CRYAB: variants seen among roughly 807,000 people sequenced by gnomAD.
The protein encoded by CRYAB is crystallin alpha B.
A neutral mutation model predicts 12.7 loss-of-function variants in CRYAB; 9 were observed. That is an observed-to-expected ratio of 0.71 (90% confidence interval 0.43 to 1.24). CRYAB has a LOEUF of 1.24. CRYAB is among the 50% of genes most tolerant of loss of function. The pLI is 0.00. For missense variants in CRYAB, 183 were observed against 226.6 expected (o/e 0.81, Z 1.24); for synonymous variants, 93 against 86.8 (o/e 1.07, Z -0.40).
chr11:111,913,501 G>A (rs1465051226), upstream of CRYAB: 3 of 1,613,590 alleles, frequency 1.9e-6, no homozygotes, highest in East Asian at 2.2e-5. Flanking sequence ...GTCCGGCCTC[G>A]GGCCGCCCCA....
At chr11:111,912,734 C>T (rs540781081), upstream of CRYAB, 390 of 932,064 alleles carry the variant, frequency 4.2e-4, 1 homozygote, top group Non-Finnish European at 6.0e-4. Flanking sequence ...CCGCCCCCAC[C>T]TCCTATCGAG....
At chr11:111,911,479 A>G in intron 1 of CRYAB, 45 bp downstream of exon 1, 1 of 1,563,292 alleles carries the variant, frequency 6.4e-7, no homozygotes, top group East Asian at 2.3e-5. Context: ...AGTTTCCAGG[A>G]GGTTCCAGTA....
upstream of CRYAB, among the ~76,000 whole-genome samples, chr11:111,915,731 A>G (rs1965587948): frequency 6.6e-6 from 1 of 152,090 alleles, no homozygotes; most frequent in Non-Finnish European, 1.5e-5. Context: ...TTCTCACGGT[A>G]GTCGTTTCCA....
chr11:111,913,030 C>A, upstream of CRYAB: 1 of 804,432 alleles, frequency 1.2e-6, no homozygotes, highest in Non-Finnish European at 2.0e-6. Context: ...TAACTGATCT[C>A]CTGGGACCAG....
intron 1 of CRYAB, among the ~76,000 whole-genome samples, chr11:111,920,769 T>A (rs1555166488): frequency 6.6e-6 from 1 of 151,516 alleles, no homozygotes; most frequent in Non-Finnish European, 1.5e-5. Context: ...GTCTCAAAAA[T>A]GAAAATAAAA....
At chr11:111,913,989 G>A (rs1965556058), upstream of CRYAB, 2 of 1,075,940 alleles carry the variant, frequency 1.9e-6, no homozygotes, top group South Asian at 1.6e-5. Flanking sequence ...CATCCTTGGG[G>A]GAAGGGAAAG....
Position 111,910,191 on chromosome 11 carries a change from T to C in CRYAB, c.324+136A>G, listed in dbSNP as rs781941706. The C allele has an allele frequency of 3.8e-5, 40 of 1,065,368 alleles. No homozygotes were observed. The African/African-American group carries it at 5.9e-4, about 16-fold the overall frequency. 66.0% of individuals were successfully genotyped at this position (1,065,368 alleles called of 1,614,324 possible). On this transcript the variant is annotated intron_variant, in intron 2 of 2. Transcript: ENST00000650687. Reference sequence around the variant, plus strand: ...TATCCTAACTTAGTCTTCTAGACATTGATTTGTAACCCCTGATCCCGACTG... The same window carrying C: ...TATCCTAACTTAGTCTTCTAGACATCGATTTGTAACCCCTGATCCCGACTG...
intron 1 of CRYAB, chr11:111,918,994 G>T: frequency 5.0e-6 from 8 of 1,614,214 alleles, no homozygotes; most frequent in Non-Finnish European, 6.8e-6. Context: ...GGTCTGCTGC[G>T]GAGGAAGCTG....
upstream of CRYAB, chr11:111,913,951 C>A: frequency 1.4e-6 from 2 of 1,437,950 alleles, no homozygotes; most frequent in Non-Finnish European, 1.9e-6. Flanking sequence ...GTGATATGGG[C>A]AGCTGCCCAC....
chr11:111,914,218 C>T (rs782080195), upstream of CRYAB: 3 of 262,614 alleles, frequency 1.1e-5, no homozygotes, highest in Admixed American at 4.8e-5. Context: ...ACCCTGAGCT[C>T]GCACTTGGAT....
upstream of CRYAB, chr11:111,912,251 A>G (rs1273490535): frequency 5.4e-6 from 1 of 186,484 alleles, no homozygotes; most frequent in Non-Finnish European, 1.1e-5. Flanking sequence ...GTGATGGTCA[A>G]CATGTCAGCA....
At chr11:111,912,360 T>G, upstream of CRYAB, 1 of 172,202 alleles carries the variant, frequency 5.8e-6, no homozygotes, top group East Asian at 1.6e-4. Context: ...GCAAACAGAT[T>G]TCTTGCATCT....
upstream of CRYAB, chr11:111,913,205 CCTCCTCCTCCCCCTCCTCCTCCTT>C (rs1965526959): frequency 8.3e-6 from 5 of 599,134 alleles, no homozygotes; most frequent in South Asian, 1.0e-4. Flanking sequence ...TTTGGTGCCT[CCTCCTCCTCCCCCTCCTCCTCCTT>C]CTCCTCCTCC....
upstream of CRYAB, among the ~76,000 whole-genome samples, chr11:111,915,584 A>T (rs1302561208): frequency 2.6e-5 from 4 of 152,228 alleles, no homozygotes; most frequent in Admixed American, 2.6e-4. Context: ...ACTGAGCTTT[A>T]TTTAAAGGAA....
chr11:111,910,557 CCTT>C (rs1965421341), intron 1 of CRYAB, 108 bp from the exon 2 acceptor site: 2 of 1,369,460 alleles, frequency 1.5e-6, no homozygotes, highest in South Asian at 2.3e-5. Context: ...GGTAATTCAT[CCTT>C]CTCTTCTCTG....
Position 111,908,785 on chromosome 11 carries a change from G to A in CRYAB, c.507C>T (p.Val169=), listed in dbSNP as rs1555165219. 1 of 1,612,848 alleles carries A rather than the reference G, an allele frequency of 6.2e-7. No individual in the cohort carries two copies. The highest frequency in any genetic ancestry group is 1.3e-5 in the African/African-American group (1 of 74,888). ...IPITREEKPA[V]TAAPKK ...GCATCTATTTCTTGGGGGCTGCGGT[G>A]ACAGCAGGCTTCTCTTCACGGGTGA... is the stretch of plus-strand genomic sequence containing the variant. The change falls in exon 3 of 3, where the codon GTC becomes GTT. Residue 169 remains valine (V), a synonymous_variant. Coordinates refer to ENST00000650687, the MANE Select transcript of CRYAB (RefSeq NM_001289808.2).
At chr11:111,914,024 TG>T, upstream of CRYAB, 1 of 834,924 alleles carries the variant, frequency 1.2e-6, no homozygotes, top group Admixed American at 2.9e-5. Flanking sequence ...ATGTATGGTT[TG>T]GTCCCATGGG....
chr11:111,923,288 A>C (rs146188118), intron 1 of CRYAB, among the ~76,000 whole-genome samples: 71 of 152,338 alleles, frequency 4.7e-4, no homozygotes, highest in Non-Finnish European at 8.2e-4. Context: ...AACTGCTGTC[A>C]ACTGAGCAAG....
At chr11:111,910,261 C>A in intron 2 of CRYAB, 66 bp downstream of exon 2, 1 of 1,600,652 alleles carries the variant, frequency 6.2e-7, no homozygotes. Context: ...AAGCTGATAG[C>A]ACTACCTGGA....
Sources: gnomAD v4.1 joint callset for allele counts (sites outside exome capture counted in the v4.1 genomes callset) on GRCh38, gnomAD v4.1.1 for gene constraint, MANE v1.5 for transcripts, NCBI Gene and HGNC (gene_info 2026-07-23, HGNC 2026-07-21) for gene names.